Variants in SRGAP1 observed in about 807,000 individuals in gnomAD.
The protein encoded by SRGAP1 is SLIT-ROBO Rho GTPase activating protein 1.
SRGAP1 carries 43 observed loss-of-function variants against 121.9 expected under a neutral mutation model. That is an observed-to-expected ratio of 0.35 (90% CI 0.28 to 0.46). The LOEUF is 0.46. Among genes scored for constraint, SRGAP1 ranks in the 20% least tolerant of loss-of-function variants. SRGAP1 has a pLI of 1.00. For synonymous variants in SRGAP1, 447 were observed against 485.4 expected (o/e 0.92, Z 1.04); for missense variants, 1,102 against 1,350.9 (o/e 0.82, Z 2.89).
intron 1 of SRGAP1, among the ~76,000 whole-genome samples, chr12:63,849,144 G>C (rs1898995697): frequency 6.6e-6 from 1 of 152,192 alleles, no homozygotes; most frequent in Non-Finnish European, 1.5e-5. Context: ...TGTTTGAATA[G>C]GCCATTAGAA....
intron 21 of SRGAP1, among the ~76,000 whole-genome samples, chr12:64,139,185 C>T (rs1227174950): frequency 6.6e-6 from 1 of 152,138 alleles, no homozygotes; most frequent in Non-Finnish European, 1.5e-5. Context: ...AATAATGCAG[C>T]CTTGTTATTG....
intron 15 of SRGAP1, among the ~76,000 whole-genome samples, chr12:64,105,768 A>AGT (rs2036335404): frequency 6.6e-6 from 1 of 152,008 alleles, no homozygotes; most frequent in Non-Finnish European, 1.5e-5. Flanking sequence ...TGGATGACAG[A>AGT]GTAAGACTCT....
chr12:64,093,443 C>T (rs901503426), intron 12 of SRGAP1, among the ~76,000 whole-genome samples: 2 of 152,038 alleles, frequency 1.3e-5, no homozygotes, highest in African/African-American at 4.8e-5. Flanking sequence ...CTTTTCATAA[C>T]CTTGTATTCT....
At chr12:64,124,067 T>A (rs969970765) in intron 18 of SRGAP1, among the ~76,000 whole-genome samples, 3 of 152,082 alleles carry the variant, frequency 2.0e-5, no homozygotes, top group Non-Finnish European at 2.9e-5. Flanking sequence ...AAAAAAAAAA[T>A]TATCCAAAGC....
intron 8 of SRGAP1, among the ~76,000 whole-genome samples, chr12:64,067,939 G>C (rs1300097841): frequency 6.6e-6 from 1 of 151,778 alleles, no homozygotes; most frequent in Middle Eastern, 3.4e-3. Flanking sequence ...AAAAAGTTGA[G>C]AGAGAATTTC....
intron 1 of SRGAP1, among the ~76,000 whole-genome samples, chr12:63,981,185 C>T (rs1036823697): frequency 1.3e-5 from 2 of 152,012 alleles, no homozygotes; most frequent in African/African-American, 4.8e-5. Context: ...TTGTTAAATC[C>T]ATCATTCTCA....
At chr12:63,948,925 TTC>T (rs1214610858) in intron 1 of SRGAP1, among the ~76,000 whole-genome samples, 1 of 79,786 alleles carries the variant, frequency 1.3e-5, no homozygotes, top group African/African-American at 4.1e-5. Flanking sequence ...TATATATATA[TTC>T]CATATATATA....
chr12:63,976,861 A>G (rs1242488618), intron 1 of SRGAP1, among the ~76,000 whole-genome samples: 1 of 152,110 alleles, frequency 6.6e-6, no homozygotes, highest in Non-Finnish European at 1.5e-5. Context: ...TTTCTGACCT[A>G]GTCTGTGACT....
chr12:64,029,198 AG>A (rs2034721335), intron 4 of SRGAP1, among the ~76,000 whole-genome samples: 1 of 152,138 alleles, frequency 6.6e-6, no homozygotes, highest in Non-Finnish European at 1.5e-5. Context: ...TATGACTTTA[AG>A]GTCTTAGAAT....
chr12:64,040,694 A>G (rs2034997889), intron 4 of SRGAP1, among the ~76,000 whole-genome samples: 1 of 152,228 alleles, frequency 6.6e-6, no homozygotes, highest in Non-Finnish European at 1.5e-5. Flanking sequence ...ACCTAAGAAT[A>G]CAGAGATTAC....
rs76979881 is a variant in SRGAP1, at chr12:63,977,149, G to C, written c.68-6798G>C. Among the ~76,000 whole-genome samples, 689 of 152,224 alleles carry C rather than the reference G, an allele frequency of 4.5e-3. 6 individuals are homozygous for C. Among genetic ancestry groups the C allele is most frequent in the African/African-American group, 0.016 (656 of 41,550 alleles). ...TTAGTTAATCAACAGTCACCAGGTT[G>C]TATAAATATTCACATGAGCTGTGAG... On this transcript the variant is annotated intron_variant, in intron 1 of 21. Coordinates refer to ENST00000355086, the MANE Select transcript of SRGAP1 (RefSeq NM_020762.4).
chr12:64,027,768 G>A (rs6581525), intron 4 of SRGAP1, among the ~76,000 whole-genome samples: 97,767 of 151,814 alleles, frequency 0.64, 32,628 homozygotes, highest in African/African-American at 0.81. Flanking sequence ...CTTTTTTTCT[G>A]TTGTTCCAAT....
chr12:64,056,359 C>G (rs2035340231), intron 6 of SRGAP1, among the ~76,000 whole-genome samples: 1 of 152,024 alleles, frequency 6.6e-6, no homozygotes, highest in African/African-American at 2.4e-5. Context: ...TTGAGACCAG[C>G]CTGGCCAACA....
chr12:64,089,706 A>G (rs1334981727), intron 11 of SRGAP1, among the ~76,000 whole-genome samples: 1 of 152,178 alleles, frequency 6.6e-6, no homozygotes, highest in East Asian at 1.9e-4. Flanking sequence ...GCCTGGTAGA[A>G]GTTTCCATAT....
chr12:63,972,883 T>A (rs1387789410), intron 1 of SRGAP1, among the ~76,000 whole-genome samples: 4 of 152,004 alleles, frequency 2.6e-5, no homozygotes, highest in Admixed American at 1.3e-4. Flanking sequence ...GCATGGTGGC[T>A]CATGCCTGTA....
chr12:64,076,652 A>C (rs1226275898), intron 8 of SRGAP1, among the ~76,000 whole-genome samples: 3 of 151,950 alleles, frequency 2.0e-5, no homozygotes, highest in Non-Finnish European at 4.4e-5. Context: ...AAGAAAAAAA[A>C]ATTTTTTTTT....
intron 1 of SRGAP1, among the ~76,000 whole-genome samples, chr12:63,975,335 G>A (rs1592997039): frequency 6.6e-6 from 1 of 152,070 alleles, no homozygotes. Context: ...TCAAGGACCC[G>A]TTCCTATAGG....
In SRGAP1 at chr12:64,161,963, C is replaced by G. The variant is rs2037211976; in HGVS notation, c.*19291C>G. On this transcript the variant is annotated 3_prime_UTR_variant, in exon 22 of 22. Transcript: ENST00000355086. ...ACATTATTACGTGAAATAAGCCAGTCATAAACCACATATTGTGTATATTTT... is the reference window on the plus strand; with the variant it reads ...ACATTATTACGTGAAATAAGCCAGTGATAAACCACATATTGTGTATATTTT... 1 of 152,146 alleles carries G rather than the reference C, an allele frequency of 6.6e-6. No individual in the cohort carries two copies. Among genetic ancestry groups the G allele is most frequent in the African/African-American group, 2.4e-5 (1 of 41,438 alleles). 9.4% of individuals were successfully genotyped at this position (152,146 alleles called of 1,614,324 possible). A position where few individuals can be genotyped will look rare whatever the true frequency, so the allele number is the denominator to read the frequency against.
At position 64,052,134 on chromosome 12, in the gene SRGAP1, G is replaced by A. The variant is rs115651596; in HGVS notation, c.801+8559G>A. 4.9e-3 allele frequency among the ~76,000 whole-genome samples: 742 copies of A among 152,290 alleles called. 8 individuals are homozygous for A. Among genetic ancestry groups the A allele is most frequent in the Middle Eastern group, 0.017 (5 of 294 alleles). On this transcript the variant is annotated intron_variant, in intron 6 of 21. Transcript: ENST00000355086. ...TTATTTCAGCTGAAAATATTTGAAT[G>A]TAGTATACCAAACAAGGGTTGGACA...
Sources: gnomAD v4.1 joint callset for allele counts (sites outside exome capture counted in the v4.1 genomes callset) on GRCh38, gnomAD v4.1.1 for gene constraint, MANE v1.5 for transcripts, NCBI Gene and HGNC (gene_info 2026-07-23, HGNC 2026-07-21) for gene names.